EHBP1: variants seen among roughly 807,000 people sequenced by gnomAD.
EHBP1 encodes EH domain binding protein 1, also known as EH domain-binding protein 1.
Under a neutral mutation model 144.0 loss-of-function variants are expected in EHBP1, and 55 were observed. The observed-to-expected ratio is 0.38, with a 90% CI of 0.31 to 0.48. The LOEUF is 0.48. Ranked by LOEUF, EHBP1 falls within the 20% of genes least tolerant of loss-of-function variation. The probability of loss-of-function intolerance (pLI) is 0.98; values close to 1 mark genes in which losing one functional copy is unlikely to be tolerated. For missense variants in EHBP1, 1,200 were observed against 1,364.2 expected, an observed-to-expected ratio of 0.88 and a Z score of 1.90; for synonymous variants, 469 against 472.7, an observed-to-expected ratio of 0.99 and a Z score of 0.10.
At chr2:63,004,848 A>G (rs992515711) in intron 19 of EHBP1, among the ~76,000 whole-genome samples, 2 of 152,122 alleles carry the variant, frequency 1.3e-5, no homozygotes, top group African/African-American at 4.8e-5. Flanking sequence ...CATCAGAATT[A>G]CCTGGTGAGT....
At position 62,924,004 on chromosome 2, in the gene EHBP1, A is replaced by G. The variant is rs141937463; in HGVS notation, c.1186-18714A>G. 8.5e-5 allele frequency among the ~76,000 whole-genome samples: 13 copies of G among 152,278 alleles called. No individual in the cohort carries two copies. In the East Asian group the frequency reaches 2.5e-3, roughly 29 times the overall value. ...AGCCTCATGGGTCCCTACCCAGTAG[A>G]CACAACCTAAGGCCAGCTGAACAGC... On this transcript the variant is annotated intron_variant, in intron 10 of 22. Transcript: ENST00000431489.
intron 2 of EHBP1, among the ~76,000 whole-genome samples, chr2:62,740,249 C>G (rs548104121): frequency 2.0e-5 from 3 of 152,114 alleles, no homozygotes; most frequent in Non-Finnish European, 2.9e-5. Context: ...ATTTAACTGA[C>G]AAAGATGTTT....
chr2:62,887,503 T>G (rs1371287171), intron 10 of EHBP1, among the ~76,000 whole-genome samples: 1 of 149,596 alleles, frequency 6.7e-6, no homozygotes, highest in Non-Finnish European at 1.5e-5. Flanking sequence ...TCTAAGAGGC[T>G]GAGGTGGGAG....
intron 9 of EHBP1, among the ~76,000 whole-genome samples, chr2:62,866,159 G>A (rs762504327): frequency 6.6e-6 from 1 of 152,224 alleles, no homozygotes; most frequent in African/African-American, 2.4e-5. Flanking sequence ...TATTGCATCA[G>A]TTGTGGGGCC....
At chr2:62,949,277 A>T in intron 13 of EHBP1, 115 bp downstream of exon 13, 1 of 952,878 alleles carries the variant, frequency 1.0e-6, no homozygotes. Flanking sequence ...AATTTCTATT[A>T]TAAAAACTCC....
In EHBP1 at chr2:62,747,416, A is replaced by G; in HGVS notation, c.126A>G (p.Val42=). 1.1e-5 allele frequency: 17 copies of G among 1,609,984 alleles called. No individual in the cohort carries two copies. Among genetic ancestry groups the G allele is most frequent in the Non-Finnish European group, 1.4e-5 (17 of 1,177,950 alleles). ...GCAGGCAACCAGATAAACTGGTGGT[A>G]GTTTGGACCAGAAGAAGCCGAAGGA... The part of the protein sequence containing the change: ...TKKWQPDKLV[V]VWTRRSRRKS... Residue 42 remains valine, a synonymous_variant, in exon 3 of 23, where the codon GTA becomes GTG. Transcript: ENST00000431489.
At chr2:62,869,100 A>G (rs1449316583) in intron 9 of EHBP1, among the ~76,000 whole-genome samples, 1 of 152,240 alleles carries the variant, frequency 6.6e-6, no homozygotes, top group Non-Finnish European at 1.5e-5. Flanking sequence ...ACAATAAGAT[A>G]TCACTACACA....
intron 1 of EHBP1, among the ~76,000 whole-genome samples, chr2:62,682,971 CAGAA>C (rs10560923): frequency 0.017 from 2,560 of 152,090 alleles, 69 homozygotes; most frequent in African/African-American, 0.058. Flanking sequence ...AGGTAGAAGA[CAGAA>C]AGAAAGGCCA....
chr2:62,998,757 A>G (rs1412735767), intron 19 of EHBP1, among the ~76,000 whole-genome samples: 1 of 152,150 alleles, frequency 6.6e-6, no homozygotes, highest in Non-Finnish European at 1.5e-5. Context: ...TGAGCTTATT[A>G]TATTTCTTAC....
Position 62,711,705 on chromosome 2 carries a change from C to A in EHBP1, c.104+4410C>A, listed in dbSNP as rs571333557. ...GGAGAGGAGGAGCCAACAAAGGAGACAGGAAACAAGCAGTAGTGAGATAGG... is the reference window on the plus strand; with the variant it reads ...GGAGAGGAGGAGCCAACAAAGGAGAAAGGAAACAAGCAGTAGTGAGATAGG... On this transcript the variant is annotated intron_variant, in intron 2 of 22. Transcript: ENST00000431489. Among the ~76,000 whole-genome samples, 4 of 152,176 alleles carry A rather than the reference C, an allele frequency of 2.6e-5. No individual in the cohort carries two copies. In the South Asian group the frequency reaches 8.3e-4, roughly 32 times the overall value.
intron 1 of EHBP1, among the ~76,000 whole-genome samples, chr2:62,697,021 G>A (rs2151755510): frequency 6.6e-6 from 1 of 152,240 alleles, no homozygotes; most frequent in South Asian, 2.1e-4. Context: ...GGGTGTGTTT[G>A]TTAAAACTCT....
Position 63,045,379 on chromosome 2 carries a change from T to G in EHBP1, c.3393-31T>G. 2.5e-6 allele frequency: 4 copies of G among 1,602,994 alleles called. No individual in the cohort carries two copies. The highest frequency in any genetic ancestry group is 3.4e-6 in the Non-Finnish European group (4 of 1,169,958). On this transcript the variant is annotated intron_variant, in intron 22 of 22. Coordinates refer to ENST00000431489, the MANE Select transcript of EHBP1 (RefSeq NM_001142616.3). This position sits in a 1 kb window ranked among gnomAD's most constrained non-coding sequence, Gnocchi z 5.7. ...CCTCCACGAAGAAAAATAATTTTGT[T>G]TCCTGTTTGTCCTGTTTGTCTGACA...
chr2:62,733,386 T>C (rs781763946), intron 2 of EHBP1, among the ~76,000 whole-genome samples: 7 of 152,172 alleles, frequency 4.6e-5, no homozygotes, highest in Non-Finnish European at 7.3e-5. Flanking sequence ...GAGGTCTGAG[T>C]TGGATAGTTC....
At chr2:62,943,424 G>T (rs900657061) in intron 11 of EHBP1, among the ~76,000 whole-genome samples, 5 of 132,328 alleles carry the variant, frequency 3.8e-5, no homozygotes, top group Non-Finnish European at 8.3e-5. Flanking sequence ...TAATCTCAAA[G>T]AACTGACTTC....
In EHBP1 at chr2:62,831,042, C is replaced by T; in HGVS notation, c.518C>T (p.Ala173Val). The T allele has an allele frequency of 6.2e-7, 1 of 1,612,658 alleles. No homozygotes were observed. Among genetic ancestry groups the T allele is most frequent in the Non-Finnish European group, 8.5e-7 (1 of 1,179,490 alleles). Residue 173 changes from alanine (A) to valine (V), a missense_variant, in exon 7 of 23, where the codon GCT becomes GTT. This residue lies in a region of EHBP1 where 11 missense variants were observed against 38.6 expected (regional missense o/e 0.28). Transcript: ENST00000431489. ...AGAGATGAAGACATGCAAAGTTTGG[C>T]TAGTTTGATGAGTATGAAGCAGGCT... ...KATDEDMQSLASLMSMKQADI... is the reference protein window; with the variant it reads ...KATDEDMQSLVSLMSMKQADI...
intron 7 of EHBP1, among the ~76,000 whole-genome samples, chr2:62,849,689 A>G (rs934977912): frequency 1.3e-5 from 2 of 152,170 alleles, no homozygotes; most frequent in South Asian, 4.1e-4. Flanking sequence ...AAGTATTATG[A>G]CTCATTCGGT....
chr2:62,790,157 C>T (rs989407757), intron 5 of EHBP1, among the ~76,000 whole-genome samples: 3 of 152,138 alleles, frequency 2.0e-5, no homozygotes, highest in Non-Finnish European at 2.9e-5. Context: ...CGTCTTGTGA[C>T]ATTGAATGAA....
At chr2:62,954,315 G>C (rs2057566794) in intron 13 of EHBP1, among the ~76,000 whole-genome samples, 1 of 152,134 alleles carries the variant, frequency 6.6e-6, no homozygotes, top group East Asian at 1.9e-4. Context: ...AATTTTGTCT[G>C]TTTTTGAGAC....
At chr2:62,977,317 G>A (rs72811585) in intron 14 of EHBP1, among the ~76,000 whole-genome samples, 6,946 of 152,062 alleles carry the variant, frequency 0.046, 210 homozygotes, top group Middle Eastern at 0.089. Context: ...GTCTGTCACT[G>A]TTTTTGCCCT....
Sources: allele counts gnomAD v4.1 joint callset (sites outside exome capture counted in the v4.1 genomes callset), GRCh38; gene constraint gnomAD v4.1.1; regional missense constraint gnomAD v4.1.1; non-coding constraint Gnocchi (gnomAD v3.1); transcripts MANE v1.5; gene names NCBI Gene and HGNC (gene_info 2026-07-23, HGNC 2026-07-21).